The following PHF20 variants were observed in gnomAD, a reference collection of about 807,000 sequenced individuals.
PHF20 encodes glioma-expressed antigen 2.
Under a neutral mutation model 113.5 loss-of-function variants are expected in PHF20, and 23 were observed. The observed-to-expected ratio is 0.20, with a 90% CI of 0.15 to 0.29. The LOEUF (loss-of-function observed/expected upper bound fraction) is 0.29, where lower values mean the gene tolerates loss of function less well. PHF20 is among the 10% of genes least tolerant of loss of function. PHF20 has a pLI of 1.00. For synonymous variants in PHF20, 434 were observed against 457.3 expected, an observed-to-expected ratio of 0.95 and a Z score of 0.65; for missense variants, 943 against 1,219.6, an observed-to-expected ratio of 0.77 and a Z score of 3.38.
intron 6 of PHF20, among the ~76,000 whole-genome samples, chr20:35,865,877 C>A (rs1020829633): frequency 6.6e-6 from 1 of 152,068 alleles, no homozygotes; most frequent in Admixed American, 6.6e-5. Context: ...AATTTGAGAC[C>A]AGGCTGGCCA....
At chr20:35,898,389 C>T (rs2055030973) in intron 9 of PHF20, among the ~76,000 whole-genome samples, 1 of 152,112 alleles carries the variant, frequency 6.6e-6, no homozygotes, top group South Asian at 2.1e-4. Context: ...TAAGTCTGAT[C>T]CAACTCATAA....
chr20:35,834,994 A>G (rs2042414591), intron 2 of PHF20, among the ~76,000 whole-genome samples: 1 of 152,130 alleles, frequency 6.6e-6, no homozygotes, highest in Non-Finnish European at 1.5e-5. Flanking sequence ...AAGAGGTAGG[A>G]GGCCGGGTGT....
chr20:35,784,312 A>G (rs1405973099), intron 1 of PHF20, among the ~76,000 whole-genome samples: 1 of 151,682 alleles, frequency 6.6e-6, no homozygotes, highest in Non-Finnish European at 1.5e-5. Context: ...TCGGCCTCCC[A>G]AAATGCTGGG....
intron 9 of PHF20, among the ~76,000 whole-genome samples, chr20:35,888,836 A>G (rs972756242): frequency 6.6e-6 from 1 of 151,340 alleles, no homozygotes; most frequent in Non-Finnish European, 1.5e-5. Context: ...GACAAGAACC[A>G]TATTAGTATG....
At chr20:35,931,768 T>C (rs1228987737) in intron 15 of PHF20, among the ~76,000 whole-genome samples, 1 of 151,952 alleles carries the variant, frequency 6.6e-6, no homozygotes, top group African/African-American at 2.4e-5. Context: ...CTGACCAACA[T>C]GGTGAAACCC....
chr20:35,840,716 A>C (rs769954571), intron 2 of PHF20, among the ~76,000 whole-genome samples: 6 of 152,170 alleles, frequency 3.9e-5, no homozygotes, highest in Non-Finnish European at 7.4e-5. Flanking sequence ...CCAGCTTGGC[A>C]TACTGAATCA....
intron 10 of PHF20, 138 bp from the exon 11 acceptor site, chr20:35,913,111 T>A: frequency 2.4e-6 from 1 of 419,368 alleles, no homozygotes; most frequent in Non-Finnish European, 4.5e-6. Context: ...GGCGTGGCTC[T>A]GCCTCCAGAC....
At chr20:35,818,355 G>T (rs1015004508) in intron 2 of PHF20, among the ~76,000 whole-genome samples, 13 of 152,316 alleles carry the variant, frequency 8.5e-5, no homozygotes, top group Admixed American at 2.0e-4. Context: ...TGAGGCTGCA[G>T]TGAGCCATGA....
At chr20:35,926,481 C>T (rs1371884698) in intron 13 of PHF20, among the ~76,000 whole-genome samples, 2 of 151,938 alleles carry the variant, frequency 1.3e-5, no homozygotes. Context: ...CCTCGTGATC[C>T]GCCCGCCTCG....
chr20:35,862,233 G>T (rs2054230876), intron 5 of PHF20, among the ~76,000 whole-genome samples: 1 of 152,140 alleles, frequency 6.6e-6, no homozygotes, highest in African/African-American at 2.4e-5. Flanking sequence ...CAGAGACCCT[G>T]GTTCTGGGTT....
chr20:35,841,863 G>C (rs1047641420), intron 2 of PHF20, among the ~76,000 whole-genome samples: 2 of 152,154 alleles, frequency 1.3e-5, no homozygotes, highest in Non-Finnish European at 2.9e-5. Context: ...TACAGTCTGG[G>C]TTGCATGGTC....
rs1316762773 is a variant in PHF20 at position 35,870,973 on chromosome 20, A to G, written c.941A>G (p.Asn314Ser). ...DKNSSQEKSK[N>S]YSENTDKDLS... The stretch of plus-strand genomic sequence containing the variant: ...TTAATAGCCCAGGAAAAGTCAAAAA[A>G]CTACTCGGAAAACACTGACAAAGAC... The change falls in exon 8 of 18, where the codon AAC becomes AGC. Residue 314 changes from asparagine (N) to serine (S), a missense_variant. Physicochemically the swap from Asn to Ser is conservative, Grantham distance 46. Around this residue, in one of 3 missense-constraint regions of PHF20, gnomAD observed 592 missense variants for 787.2 expected, o/e 0.75. Transcript: ENST00000374012. The G allele has an allele frequency of 1.3e-6, 2 of 1,594,614 alleles. No individual in the cohort carries two copies. Among genetic ancestry groups the G allele is most frequent in the Non-Finnish European group, 1.7e-6 (2 of 1,175,630 alleles).
chr20:35,903,858 G>A (rs903069512), intron 10 of PHF20, among the ~76,000 whole-genome samples: 1 of 152,186 alleles, frequency 6.6e-6, no homozygotes, highest in African/African-American at 2.4e-5. Context: ...ATTCTGTAGT[G>A]TGGCTGCCTT....
chr20:35,780,225 T>TC (rs1188968341), intron 1 of PHF20, among the ~76,000 whole-genome samples: 2 of 146,446 alleles, frequency 1.4e-5, no homozygotes, highest in African/African-American at 2.5e-5. Flanking sequence ...AGATTTCTTT[T>TC]TTTTTTTTTT....
intron 1 of PHF20, among the ~76,000 whole-genome samples, chr20:35,785,800 C>T (rs1266454762): frequency 2.0e-5 from 3 of 151,334 alleles, no homozygotes; most frequent in Non-Finnish European, 2.9e-5. Context: ...TGGTGGCTCA[C>T]GCTTGTAATC....
intron 2 of PHF20, among the ~76,000 whole-genome samples, chr20:35,840,344 T>C (rs1467296099): frequency 6.6e-6 from 1 of 152,150 alleles, no homozygotes; most frequent in South Asian, 2.1e-4. Flanking sequence ...CTCCCTCCTA[T>C]TTTTGCCCCT....
intron 9 of PHF20, among the ~76,000 whole-genome samples, chr20:35,880,094 G>A (rs1204509629): frequency 1.3e-5 from 2 of 152,204 alleles, no homozygotes; most frequent in East Asian, 1.9e-4. Flanking sequence ...GCTAACTGTT[G>A]CGTATGCAAA....
intron 10 of PHF20, among the ~76,000 whole-genome samples, chr20:35,908,372 G>A (rs2055238050): frequency 6.6e-6 from 1 of 152,192 alleles, no homozygotes; most frequent in African/African-American, 2.4e-5. Flanking sequence ...ACTATCTTTA[G>A]CCAGATAACC....
At position 35,947,732 on chromosome 20, in the gene PHF20, G is replaced by A. The variant is rs920134802; in HGVS notation, c.*105G>A. 26 of 1,215,356 alleles carry A rather than the reference G, an allele frequency of 2.1e-5. No homozygotes were observed. The South Asian group carries it at 2.6e-4, about 12-fold the overall frequency. 75.3% of individuals were successfully genotyped at this position (1,215,356 alleles called of 1,614,324 possible). The stretch of plus-strand genomic sequence containing the variant: ...TAGCATGCTGAATGCACGTGACACC[G>A]ACTGACTTCAGGGATCTGGGCCAGG... On this transcript the variant is annotated 3_prime_UTR_variant, in exon 18 of 18. Coordinates refer to ENST00000374012, the MANE Select transcript of PHF20 (RefSeq NM_016436.5).
Sources: gnomAD v4.1 joint callset for allele counts (sites outside exome capture counted in the v4.1 genomes callset) on GRCh38, gnomAD v4.1.1 for gene constraint, gnomAD v4.1.1 regional missense constraint, MANE v1.5 for transcripts, NCBI Gene and HGNC (gene_info 2026-07-23, HGNC 2026-07-21) for gene names.